AACS: variants seen among roughly 807,000 people sequenced by gnomAD.
AACS encodes acetoacetate-CoA ligase.
AACS carries 69 observed loss-of-function variants against 83.1 expected under a neutral mutation model. The observed-to-expected ratio is 0.83, with a 90% CI of 0.68 to 1.01. AACS has a LOEUF of 1.01. AACS is among the 50% of genes least tolerant of loss of function. The probability of loss-of-function intolerance (pLI) is 0.00; values close to 1 mark genes in which losing one functional copy is unlikely to be tolerated. For missense variants in AACS, 866 were observed against 882.2 expected, an observed-to-expected ratio of 0.98 and a Z score of 0.23; for synonymous variants, 333 against 343.4, an observed-to-expected ratio of 0.97 and a Z score of 0.33.
chr12:125,102,472 A>ATTTT, intron 5 of AACS: 1 of 446,756 alleles, frequency 2.2e-6, no homozygotes, highest in Non-Finnish European at 4.1e-6. Context: ...GGTTTTTGCC[A>ATTTT]TTTTTTTTTT....
At chr12:125,098,890 G>A (rs1956666546) in intron 5 of AACS, among the ~76,000 whole-genome samples, 1 of 152,184 alleles carries the variant, frequency 6.6e-6, no homozygotes, top group Non-Finnish European at 1.5e-5. Flanking sequence ...GTGTGCAGCT[G>A]TTCCCATTGT....
rs920006956 is a variant in AACS, at chr12:125,134,700, G to A, written c.1620-94G>A. The A allele has an allele frequency of 7.8e-6, 11 of 1,401,814 alleles. No individual in the cohort carries two copies. The East Asian group carries it at 1.6e-4, about 21-fold the overall frequency. 86.8% of individuals were successfully genotyped at this position (1,401,814 alleles called of 1,614,324 possible). On this transcript the variant is annotated intron_variant, in intron 15 of 17. Transcript: ENST00000316519. Reference sequence around the variant, plus strand: ...CGTGACTAGTCCTGGGGGATGCCATGGGAAAGTGGGGGGTGACTGCCCTCC... The same window carrying A: ...CGTGACTAGTCCTGGGGGATGCCATAGGAAAGTGGGGGGTGACTGCCCTCC...
At chr12:125,134,733 C>T in intron 15 of AACS, 61 bp from the exon 16 acceptor site, 1 of 1,596,428 alleles carries the variant, frequency 6.3e-7, no homozygotes, top group Admixed American at 1.7e-5. Flanking sequence ...TCCCGTGGGA[C>T]CCCTGGGACT....
At chr12:125,117,483 T>G (rs974070596) in intron 9 of AACS, 3 of 152,210 alleles carry the variant, frequency 2.0e-5, no homozygotes, top group Non-Finnish European at 2.9e-5. Flanking sequence ...CTCAACCTCT[T>G]GAGCTCAAGT....
At position 125,129,975 on chromosome 12, in the gene AACS, G is replaced by A. The variant is rs963668311; in HGVS notation, c.1549+515G>A. 4.6e-5 allele frequency among the ~76,000 whole-genome samples: 7 copies of A among 152,188 alleles called. 1 individual carries two copies. Among genetic ancestry groups the A allele is most frequent in the East Asian group, 3.9e-4 (2 of 5,182 alleles). On this transcript the variant is annotated intron_variant, in intron 14 of 17. Transcript: ENST00000316519. This position sits in a 1 kb window ranked among gnomAD's most constrained non-coding sequence, Gnocchi z 4.3. ...ACATAGACTGACACCCTTGGGTGTC[G>A]TCTTTTGAGTGGTGCCTTGCCCCAA...
intron 8 of AACS, 35 bp from the exon 9 acceptor site, chr12:125,114,442 C>A: frequency 1.3e-6 from 2 of 1,596,346 alleles, no homozygotes; most frequent in Non-Finnish European, 1.7e-6. Context: ...GTATGCCTAA[C>A]AGAGAGCACC....
intron 15 of AACS, 62 bp downstream of exon 15, chr12:125,134,134 G>T: frequency 6.4e-7 from 1 of 1,563,134 alleles, no homozygotes; most frequent in African/African-American, 1.4e-5. Flanking sequence ...CATGGGGGTG[G>T]GAGAGGAGGT....
intron 3 of AACS, among the ~76,000 whole-genome samples, chr12:125,081,141 C>T (rs10773142): frequency 0.39 from 59,022 of 151,798 alleles, 12,675 homozygotes; most frequent in Non-Finnish European, 0.48. Flanking sequence ...TGCACGCGTG[C>T]GCCACCACAC....
At chr12:125,069,451 A>G (rs1168750585) in intron 1 of AACS, among the ~76,000 whole-genome samples, 3 of 152,352 alleles carry the variant, frequency 2.0e-5, no homozygotes, top group African/African-American at 7.2e-5. Context: ...TTCCACTGCC[A>G]TAACCACAGG....
intron 14 of AACS, among the ~76,000 whole-genome samples, chr12:125,133,031 G>A (rs958751694): frequency 2.6e-5 from 4 of 152,214 alleles, no homozygotes; most frequent in African/African-American, 9.6e-5. Flanking sequence ...TTCCCGGATC[G>A]CAGGAAATCT....
At chr12:125,115,955 G>A (rs974975101) in intron 9 of AACS, among the ~76,000 whole-genome samples, 11 of 152,196 alleles carry the variant, frequency 7.2e-5, no homozygotes, top group Admixed American at 5.9e-4. Context: ...TGGTGACCTT[G>A]GGTGTGTTTT....
chr12:125,071,073 G>A (rs1390366375), intron 1 of AACS, among the ~76,000 whole-genome samples: 1 of 152,216 alleles, frequency 6.6e-6, no homozygotes, highest in Non-Finnish European at 1.5e-5. Context: ...GGTCCCTGAG[G>A]GGCTGCAGTG....
At chr12:125,093,231 A>G (rs534106885) in intron 5 of AACS, among the ~76,000 whole-genome samples, 5 of 152,288 alleles carry the variant, frequency 3.3e-5, no homozygotes, top group African/African-American at 1.2e-4. Flanking sequence ...CAGGGGAGTG[A>G]TCATGGCCTC....
intron 3 of AACS, among the ~76,000 whole-genome samples, chr12:125,085,968 T>C (rs183507178): frequency 1.9e-3 from 285 of 152,232 alleles, no homozygotes; most frequent in African/African-American, 6.7e-3. Flanking sequence ...TTTTACGTTT[T>C]TGGTAGAGAT....
At chr12:125,079,305 G>A (rs1016984345) in intron 3 of AACS, among the ~76,000 whole-genome samples, 1 of 152,200 alleles carries the variant, frequency 6.6e-6, no homozygotes, top group Non-Finnish European at 1.5e-5. Context: ...TGGTGACCTG[G>A]CTGCTGGGTG....
At chr12:125,123,429 CAA>C (rs1229943649) in intron 10 of AACS, 1 of 152,190 alleles carries the variant, frequency 6.6e-6, no homozygotes, top group Non-Finnish European at 1.5e-5. Context: ...CTCCCTCCCC[CAA>C]AACTCCAGCC....
At chr12:125,084,269 G>A (rs1956273999) in intron 3 of AACS, among the ~76,000 whole-genome samples, 1 of 151,330 alleles carries the variant, frequency 6.6e-6, no homozygotes, top group Admixed American at 6.6e-5. Context: ...AGTGAGCTGA[G>A]ATCGCACCAC....
At chr12:125,142,003 T>A in intron 17 of AACS, 89 bp from the exon 18 acceptor site, 1 of 1,537,232 alleles carries the variant, frequency 6.5e-7, no homozygotes, top group Admixed American at 1.8e-5. Context: ...CAGGTGGAGC[T>A]GGGCCTTTGG....
chr12:125,109,575 A>G (rs1477434357), intron 8 of AACS, among the ~76,000 whole-genome samples: 1 of 152,244 alleles, frequency 6.6e-6, no homozygotes, highest in African/African-American at 2.4e-5. Flanking sequence ...GTATCTCCCA[A>G]GAACAGGAGC....
Sources: allele counts gnomAD v4.1 joint callset (sites outside exome capture counted in the v4.1 genomes callset), GRCh38; gene constraint gnomAD v4.1.1; non-coding constraint Gnocchi (gnomAD v3.1); transcripts MANE v1.5; gene names NCBI Gene and HGNC (gene_info 2026-07-23, HGNC 2026-07-21).